Variants in ITPR1 observed in about 807,000 individuals in gnomAD.
ITPR1 encodes inositol 1,4,5-trisphosphate-gated calcium channel ITPR1.
Under a neutral mutation model 318.4 loss-of-function variants are expected in ITPR1, and 96 were observed. The ratio of observed to expected loss-of-function variants is 0.30; its 90% CI spans 0.26 to 0.36. ITPR1 has a LOEUF of 0.36. Among genes scored for constraint, ITPR1 ranks in the 10% least tolerant of loss-of-function variants. The pLI, the probability that ITPR1 is intolerant of heterozygous loss-of-function variation, is 1.00. For synonymous variants in ITPR1, 1,312 were observed against 1,289.9 expected (o/e 1.02, Z -0.37); for missense variants, 2,440 against 3,460.2 (o/e 0.71, Z 7.40).
chr3:4,777,958 A>G (rs888178822), intron 48 of ITPR1, among the ~76,000 whole-genome samples: 4 of 152,192 alleles, frequency 2.6e-5, no homozygotes, highest in Non-Finnish European at 5.9e-5. Context: ...GTTTCTCTGT[A>G]TTGTGTACAA....
At chr3:4,582,407 T>A (rs1022541480) in intron 4 of ITPR1, among the ~76,000 whole-genome samples, 4 of 152,102 alleles carry the variant, frequency 2.6e-5, no homozygotes, top group Non-Finnish European at 5.9e-5. Flanking sequence ...ATTGTTAGCA[T>A]GCTGTGAAGG....
chr3:4,699,987 T>A, intron 35 of ITPR1, 46 bp downstream of exon 35: 1 of 1,580,362 alleles, frequency 6.3e-7, no homozygotes. Context: ...ATACACCTTC[T>A]GCAGTTGGGC....
At chr3:4,587,912 C>G (rs947001005) in intron 4 of ITPR1, among the ~76,000 whole-genome samples, 3 of 152,156 alleles carry the variant, frequency 2.0e-5, no homozygotes, top group African/African-American at 7.2e-5. Context: ...TCTCATCTGA[C>G]TTTTGTTAAA....
In ITPR1 at chr3:4,756,980, CTGGG is replaced by C. The variant is rs1292976504; in HGVS notation, c.5545-9545_5545-9542del. Among the ~76,000 whole-genome samples, 12 of 152,358 alleles carry C rather than the reference CTGGG, an allele frequency of 7.9e-5. No homozygotes were observed. In the East Asian group the frequency reaches 2.3e-3, roughly 29 times the overall value. On this transcript the variant is annotated intron_variant, in intron 44 of 61. Transcript: ENST00000649015. ...CACCTACTGTTTCATAACAACCTTG[CTGGG>C]TGGGCCCCAGCTTCCATGTGATGCT...
In ITPR1 at chr3:4,706,172, A is replaced by T. The variant is rs1290207637; in HGVS notation, c.4663A>T (p.Ser1555Cys). 6.2e-7 allele frequency: 1 copy of T among 1,614,020 alleles called. No individual in the cohort carries two copies. The highest frequency in any genetic ancestry group is 8.5e-7 in the Non-Finnish European group (1 of 1,179,882). ...CIRVLSDVAK[S>C]RAIAIPVDLD... ...CTCATCTTTCTCCTGTGCAGCCAAG[A>T]GCCGGGCCATTGCCATTCCCGTGGA... The change falls in exon 37 of 62, where the codon AGC becomes TGC. Residue 1555 changes from serine to cysteine, a missense_variant. By Grantham distance (112) the Ser-to-Cys change is moderately radical. This residue lies in a region of ITPR1 where 166 missense variants were observed against 246.5 expected (regional missense o/e 0.67). Coordinates refer to ENST00000649015, the MANE Select transcript of ITPR1 (RefSeq NM_001378452.1).
At position 4,675,176 on chromosome 3, in the gene ITPR1, A is replaced by C. The variant is rs772989366; in HGVS notation, c.2707A>C (p.Thr903Pro). 6.2e-7 allele frequency: 1 copy of C among 1,612,690 alleles called. No homozygotes were observed. The highest frequency in any genetic ancestry group is 8.5e-7 in the Non-Finnish European group (1 of 1,179,160). The change falls in exon 23 of 62, where the codon ACA (threonine) becomes CCA (proline). Residue 903 changes from threonine to proline, a missense_variant. Physicochemically the swap from Thr to Pro is conservative, Grantham distance 38. Around this residue, in one of 23 missense-constraint regions of ITPR1, gnomAD observed 478 missense variants for 696.3 expected, o/e 0.69. Coordinates refer to ENST00000649015, the MANE Select transcript of ITPR1 (RefSeq NM_001378452.1). ...LAILDCVHVT[T>P]IFPISKMAKG... is the part of the protein sequence containing the mutation. ...CATATTGGACTGTGTACATGTGACA[A>C]CAATCTTCCCCATTAGCAAGATGGC... is the stretch of plus-strand genomic sequence containing the variant.
chr3:4,685,687 T>C (rs1358121463), intron 30 of ITPR1, among the ~76,000 whole-genome samples: 1 of 152,242 alleles, frequency 6.6e-6, no homozygotes, highest in African/African-American at 2.4e-5. Flanking sequence ...ATCTAGGTCT[T>C]CTTTTCTGTT....
intron 44 of ITPR1, among the ~76,000 whole-genome samples, chr3:4,738,748 G>A (rs574004758): frequency 1.4e-4 from 22 of 151,930 alleles, no homozygotes; most frequent in African/African-American, 5.1e-4. Context: ...TAGTTTCATG[G>A]TTTCACACAT....
At chr3:4,759,595 C>T (rs1381864446) in intron 44 of ITPR1, among the ~76,000 whole-genome samples, 1 of 152,222 alleles carries the variant, frequency 6.6e-6, no homozygotes, top group East Asian at 1.9e-4. Flanking sequence ...AAGTGCTGCT[C>T]TCCTGAAGTT....
At chr3:4,787,537 GAAA>G (rs34822261) in intron 51 of ITPR1, among the ~76,000 whole-genome samples, 1 of 130,372 alleles carries the variant, frequency 7.7e-6, no homozygotes, top group Non-Finnish European at 1.6e-5. Flanking sequence ...AATACTGGAG[GAAA>G]AAAAAAAAAA....
At chr3:4,578,702 T>C (rs2088959346) in intron 4 of ITPR1, among the ~76,000 whole-genome samples, 1 of 152,156 alleles carries the variant, frequency 6.6e-6, no homozygotes, top group African/African-American at 2.4e-5. Flanking sequence ...TTAAACGTGG[T>C]TGGCGCGCTC....
intron 4 of ITPR1, among the ~76,000 whole-genome samples, chr3:4,541,248 A>G (rs555346007): frequency 6.6e-6 from 1 of 152,322 alleles, no homozygotes; most frequent in Admixed American, 6.5e-5. Flanking sequence ...CCTCAAGCAC[A>G]TTCTTAGAAT....
At chr3:4,589,728 C>G (rs1253429635) in intron 4 of ITPR1, among the ~76,000 whole-genome samples, 1 of 151,874 alleles carries the variant, frequency 6.6e-6, no homozygotes, top group Non-Finnish European at 1.5e-5. Context: ...GGTTCTCAAC[C>G]CTGGATGACT....
rs776428938 is a variant in ITPR1 at position 4,717,390 on chromosome 3, T to A, written c.5127T>A (p.Asp1709Glu). 4.4e-6 allele frequency: 7 copies of A among 1,596,866 alleles called. No individual in the cohort carries two copies. The Middle Eastern group carries it at 5.0e-4, about 113-fold the overall frequency. Reference protein sequence around the residue: ...GEKLISIDELDNAELPPAPDS... With the variant: ...GEKLISIDELENAELPPAPDS... ...AGCTAATTTCCATTGATGAATTGGA[T>A]AATGCTGAGGTCCTAATTTTGTTGT... The change falls in exon 40 of 62, where the codon GAT (aspartate) becomes GAA (glutamate). Residue 1709 changes from aspartate (D) to glutamate (E), a missense_variant. By Grantham distance (45) the Asp-to-Glu change is conservative. Transcript: ENST00000649015.
intron 4 of ITPR1, among the ~76,000 whole-genome samples, chr3:4,583,800 G>A (rs940806526): frequency 2.2e-4 from 33 of 152,326 alleles, no homozygotes; most frequent in African/African-American, 7.9e-4. Flanking sequence ...GGCAGTTGCA[G>A]GATGGGGGTA....
chr3:4,580,310 G>A (rs984362895), intron 4 of ITPR1, among the ~76,000 whole-genome samples: 1 of 152,186 alleles, frequency 6.6e-6, no homozygotes, highest in Non-Finnish European at 1.5e-5. Flanking sequence ...GAGTGAGGAG[G>A]AAGGTTAAGT....
intron 20 of ITPR1, among the ~76,000 whole-genome samples, chr3:4,672,774 C>T (rs1051117547): frequency 6.6e-6 from 1 of 152,158 alleles, no homozygotes; most frequent in Non-Finnish European, 1.5e-5. Context: ...GTATAAAACA[C>T]AGCTGAAGGG....
At chr3:4,589,293 C>G (rs748990565) in intron 4 of ITPR1, among the ~76,000 whole-genome samples, 1 of 152,152 alleles carries the variant, frequency 6.6e-6, no homozygotes, top group Non-Finnish European at 1.5e-5. Context: ...ATATTTCATT[C>G]TCTTATTTCG....
intron 38 of ITPR1, chr3:4,711,513 A>G (rs983135231): frequency 7.0e-6 from 3 of 428,194 alleles, no homozygotes; most frequent in South Asian, 3.2e-5. Flanking sequence ...TAATCTCTCC[A>G]TTGTATGTGG....
Sources: allele counts gnomAD v4.1 joint callset (sites outside exome capture counted in the v4.1 genomes callset), GRCh38; gene constraint gnomAD v4.1.1; regional missense constraint gnomAD v4.1.1; transcripts MANE v1.5; gene names NCBI Gene and HGNC (gene_info 2026-07-23, HGNC 2026-07-21).